Variants in CDC34 observed in about 807,000 individuals in gnomAD.
CDC34 encodes the protein cell division cycle 34, ubiquitin conjugating enzyme.
CDC34 carries 18 observed loss-of-function variants against 26.8 expected under a neutral mutation model. The ratio of observed to expected loss-of-function variants is 0.67; its 90% CI spans 0.47 to 1.00. The LOEUF (loss-of-function observed/expected upper bound fraction) is 1.00. Among genes scored for constraint, CDC34 ranks in the 50% least tolerant of loss-of-function variants. The pLI, the probability that CDC34 is intolerant of heterozygous loss-of-function variation, is 0.00. For synonymous variants in CDC34, 178 were observed against 147.5 expected (o/e 1.21, Z -1.50); for missense variants, 280 against 334.5 (o/e 0.84, Z 1.27).
intron 1 of CDC34, among the ~76,000 whole-genome samples, chr19:535,492 G>A (rs1261476338): frequency 6.6e-6 from 1 of 152,238 alleles, no homozygotes; most frequent in Non-Finnish European, 1.5e-5. Flanking sequence ...CTGCTGGTGG[G>A]TGCCCCTGGC....
chr19:538,731 C>T lies in CDC34; in HGVS notation c.497+1584C>T, dbSNP rs143052486. Reference sequence around the variant, plus strand: ...TCCTGCACTCGCTGGTACCTGGTGTCGTGGGGTCATCTCGGGGCAGCATCC... The same window carrying T: ...TCCTGCACTCGCTGGTACCTGGTGTTGTGGGGTCATCTCGGGGCAGCATCC... On this transcript the variant is annotated intron_variant, in intron 4 of 4. Transcript: ENST00000215574. 1.1e-3 allele frequency: 1,058 copies of T among 985,372 alleles called. 2 individuals carry two copies. Among genetic ancestry groups the T allele is most frequent in the East Asian group, 7.1e-3 (63 of 8,812 alleles). The allele number at this position is 985,372 out of a possible 1,614,324, so 61.0% of individuals were successfully genotyped here.
chr19:541,658 T>C lies in CDC34; in HGVS notation c.*106T>C, dbSNP rs1210719123. 1.5e-6 allele frequency: 2 copies of C among 1,322,652 alleles called. No homozygotes were observed. Among genetic ancestry groups the C allele is most frequent in the East Asian group, 5.3e-5 (2 of 37,960 alleles). The allele number at this position is 1,322,652 out of a possible 1,614,324, so 81.9% of individuals were successfully genotyped here. On this transcript the variant is annotated 3_prime_UTR_variant, in exon 5 of 5. Coordinates refer to ENST00000215574, the MANE Select transcript of CDC34 (RefSeq NM_004359.2). Reference sequence around the variant, plus strand: ...GTTTTGTGCTGGTCCCCGTCTCCTCTGGTTGTTTCGTTTTGGCTTTTTCTC... The same window carrying C: ...GTTTTGTGCTGGTCCCCGTCTCCTCCGGTTGTTTCGTTTTGGCTTTTTCTC...
At chr19:537,238 C>G in intron 4 of CDC34, 91 bp downstream of exon 4, 1 of 1,459,752 alleles carries the variant, frequency 6.9e-7, no homozygotes, top group Non-Finnish European at 9.4e-7. Context: ...CCCCACCTTC[C>G]TGGTGAGGGT....
intron 1 of CDC34, among the ~76,000 whole-genome samples, chr19:535,522 C>A (rs1029214635): frequency 6.6e-6 from 1 of 152,230 alleles, no homozygotes; most frequent in African/African-American, 2.4e-5. Context: ...ATATGCCTGA[C>A]CTGGGCTGCC....
rs1352349290 is a variant in CDC34, at chr19:541,375, T to G, written c.534T>G (p.Arg178=). 1 of 1,606,252 alleles carries G rather than the reference T, an allele frequency of 6.2e-7. No homozygotes were observed. Among genetic ancestry groups the G allele is most frequent in the Admixed American group, 1.7e-5 (1 of 59,238 alleles). Residue 178 remains arginine, a synonymous_variant, in exon 5 of 5, where the codon CGT becomes CGG. Transcript: ENST00000215574. ...TGGGGACCAAGGTGGACGCGGAGCG[T>G]GACGGCGTGAAGGTGCCCACCACGC... ...QVLGTKVDAE[R]DGVKVPTTLA...
intron 4 of CDC34, among the ~76,000 whole-genome samples, chr19:539,249 C>T (rs961720770): frequency 3.3e-5 from 5 of 152,100 alleles, no homozygotes; most frequent in South Asian, 2.1e-4. Flanking sequence ...GGCGGTGTGC[C>T]GGCGGCACCT....
chr19:535,988 C>T (rs931674903), intron 2 of CDC34, 65 bp downstream of exon 2: 80 of 1,453,910 alleles, frequency 5.5e-5, no homozygotes, highest in Non-Finnish European at 6.1e-5. Flanking sequence ...GGGAGCCTCA[C>T]GTCCTCATCC....
rs748081730 is a variant in CDC34, at chr19:541,322, C to T, written c.498-17C>T. Reference sequence around the variant, plus strand: ...CCAGGCACGTGGGTGGCGCCCTCACCCACCCTGTCCCCCCAGGAAGCAGGT... The same window carrying T: ...CCAGGCACGTGGGTGGCGCCCTCACTCACCCTGTCCCCCCAGGAAGCAGGT... On this transcript the variant is annotated splice_polypyrimidine_tract_variant and intron_variant, in intron 4 of 4. Coordinates refer to ENST00000215574, the MANE Select transcript of CDC34 (RefSeq NM_004359.2). The T allele has an allele frequency of 4.6e-6, 7 of 1,536,930 alleles. No individual in the cohort carries two copies. Among genetic ancestry groups the T allele is most frequent in the Non-Finnish European group, 6.1e-6 (7 of 1,144,508 alleles).
At chr19:540,201 G>C (rs76419259) in intron 4 of CDC34, among the ~76,000 whole-genome samples, 20 of 1,436 alleles carry the variant, frequency 0.014, 8 homozygotes, top group Admixed American at 0.036. Flanking sequence ...AGGCCCCCCG[G>C]GTTTAGAATC....
intron 3 of CDC34, 160 bp downstream of exon 3, chr19:536,500 C>T: frequency 1.6e-6 from 1 of 615,680 alleles, no homozygotes; most frequent in South Asian, 1.9e-5. Flanking sequence ...CCTCGCTGTA[C>T]CTGCACGGTA....
intron 1 of CDC34, among the ~76,000 whole-genome samples, chr19:532,687 G>A (rs1031522623): frequency 6.6e-6 from 1 of 152,270 alleles, no homozygotes; most frequent in African/African-American, 2.4e-5. Context: ...GCCCGGATGA[G>A]CCTTGGCAGC....
Position 536,436 on chromosome 19 carries a change from C to A in CDC34, c.362+96C>A, listed in dbSNP as rs565150109. The A allele has an allele frequency of 8.7e-5, 89 of 1,023,812 alleles. No homozygotes were observed. In the African/African-American group the frequency reaches 1.4e-3, roughly 16 times the overall value. The allele number at this position is 1,023,812 out of a possible 1,614,324, so 63.4% of individuals were successfully genotyped here. A position where few individuals can be genotyped will look rare whatever the true frequency, so the allele number is the denominator to read the frequency against. On this transcript the variant is annotated intron_variant, in intron 3 of 4. Coordinates refer to ENST00000215574, the MANE Select transcript of CDC34 (RefSeq NM_004359.2). ...GACCATCAGGTAGGCCGGGCTCCCC[C>A]ACAGGCTGTGGCGCCAAGGCCTGAT...
rs539755326 is a variant in CDC34 at position 538,205 on chromosome 19, G to A, written c.497+1058G>A. Reference sequence around the variant, plus strand: ...GTGCCCAGTGACTGACTGTTAGTCAGGGGTGTTGGCCTTACTCATGTCTGG... The same window carrying A: ...GTGCCCAGTGACTGACTGTTAGTCAAGGGTGTTGGCCTTACTCATGTCTGG... On this transcript the variant is annotated intron_variant, in intron 4 of 4. Transcript: ENST00000215574. Among the ~76,000 whole-genome samples the A allele has an allele frequency of 3.3e-5, 5 of 152,388 alleles. No individual in the cohort carries two copies. In the East Asian group the frequency reaches 9.6e-4, roughly 29 times the overall value.
chr19:539,534 G>T (rs757786511), intron 4 of CDC34, among the ~76,000 whole-genome samples: 2 of 152,202 alleles, frequency 1.3e-5, no homozygotes, highest in Admixed American at 1.3e-4. Context: ...CCCTCCACGC[G>T]TCATGCATCC....
In CDC34 at chr19:532,002, C is replaced by A; in HGVS notation, c.71C>A (p.Pro24Gln). ...LLELKGLQEE[P>Q]VEGFRVTLVD... ...GAGCTCAAGGGGCTGCAGGAAGAGC[C>A]GGTCGAGGGATTCCGCGTGACACTG... is the stretch of plus-strand genomic sequence containing the variant. The change falls in exon 1 of 5, where the codon CCG becomes CAG. Residue 24 changes from proline to glutamine, a missense_variant. Transcript: ENST00000215574. 6.7e-7 allele frequency: 1 copy of A among 1,502,168 alleles called. No individual in the cohort carries two copies. The highest frequency in any genetic ancestry group is 2.8e-5 in the East Asian group (1 of 35,174). 93.1% of individuals were successfully genotyped at this position (1,502,168 alleles called of 1,614,324 possible).
chr19:533,905 C>T (rs1420089698), intron 1 of CDC34, among the ~76,000 whole-genome samples: 8 of 152,280 alleles, frequency 5.3e-5, no homozygotes, highest in Admixed American at 2.0e-4. Flanking sequence ...TGCCCAGGGC[C>T]GCTGCTGCCC....
intron 4 of CDC34, among the ~76,000 whole-genome samples, chr19:537,651 C>CTT (rs773623358): frequency 0.078 from 5,206 of 66,930 alleles, 432 homozygotes; most frequent in Middle Eastern, 0.15. Context: ...CGCGGCCGGC[C>CTT]TTTTTTTTTT....
At chr19:536,973 G>A (rs1295366548) in intron 3 of CDC34, 40 bp from the exon 4 acceptor site, 5 of 1,612,120 alleles carry the variant, frequency 3.1e-6, no homozygotes, top group Non-Finnish European at 4.2e-6. Context: ...GAAGGCTGGG[G>A]TGCCCCGGGC....
chr19:536,948 G>C, intron 3 of CDC34, 65 bp from the exon 4 acceptor site: 1 of 1,603,682 alleles, frequency 6.2e-7, no homozygotes, highest in Non-Finnish European at 8.5e-7. Flanking sequence ...GACCCTCAGG[G>C]CCAGAGAAGA....
Sources: gnomAD v4.1 joint callset for allele counts (sites outside exome capture counted in the v4.1 genomes callset) on GRCh38, gnomAD v4.1.1 for gene constraint, MANE v1.5 for transcripts, NCBI Gene and HGNC (gene_info 2026-07-23, HGNC 2026-07-21) for gene names.